Variants in B3GAT2 observed in about 807,000 individuals in gnomAD.
B3GAT2 encodes the protein beta-1,3-glucuronyltransferase 2.
Under a neutral mutation model 27.8 loss-of-function variants are expected in B3GAT2, and 26 were observed. The observed-to-expected ratio is 0.93, with a 90% confidence interval of 0.68 to 1.30. The LOEUF (loss-of-function observed/expected upper bound fraction) is 1.30, where lower values mean the gene tolerates loss of function less well. Ranked by LOEUF, B3GAT2 falls within the 50% of genes most tolerant of loss-of-function variation. The pLI is 0.00. For missense variants in B3GAT2, 458 were observed against 459.0 expected, an observed-to-expected ratio of 1.00 and a Z score of 0.02; for synonymous variants, 218 against 195.1, an observed-to-expected ratio of 1.12 and a Z score of -0.98.
intron 2 of B3GAT2, among the ~76,000 whole-genome samples, chr6:70,875,971 T>G (rs547370615): frequency 6.6e-6 from 1 of 152,186 alleles, no homozygotes; most frequent in African/African-American, 2.4e-5. Context: ...CCAAACATAA[T>G]ATAAAGGGGT....
At chr6:70,893,317 G>A (rs1446476946) in intron 2 of B3GAT2, among the ~76,000 whole-genome samples, 4 of 152,230 alleles carry the variant, frequency 2.6e-5, no homozygotes, top group South Asian at 4.1e-4. Flanking sequence ...CTGGCAGCCC[G>A]ACAGAGCTGT....
At chr6:70,947,501 G>C (rs991711755) in intron 1 of B3GAT2, among the ~76,000 whole-genome samples, 2 of 152,042 alleles carry the variant, frequency 1.3e-5, no homozygotes, top group African/African-American at 4.8e-5. Context: ...TAAATTCCTC[G>C]ACACATACAC....
Position 70,957,054 on chromosome 6 carries a change from C to A in B3GAT2, c.-625G>T. 15 of 986,276 alleles carry A rather than the reference C, an allele frequency of 1.5e-5. No individual in the cohort carries two copies. Among genetic ancestry groups the A allele is most frequent in the Non-Finnish European group, 1.8e-5 (15 of 830,662 alleles). The allele number at this position is 986,276 out of a possible 1,614,324, so 61.1% of individuals were successfully genotyped here. On this transcript the variant is annotated 5_prime_UTR_variant, in exon 1 of 4. Transcript: ENST00000230053. ...TGTCTTCTCAGAACCTCTCCGGATC[C>A]AGCAGCAAGATCCCAAAGCAAGGAA...
chr6:70,860,439 A>G lies in B3GAT2; in HGVS notation c.*1224T>C. The G allele has an allele frequency of 7.6e-7, 1 of 1,314,646 alleles. No homozygotes were observed. Among genetic ancestry groups the G allele is most frequent in the South Asian group, 1.6e-5 (1 of 64,410 alleles). 81.4% of individuals were successfully genotyped at this position (1,314,646 alleles called of 1,614,324 possible). On this transcript the variant is annotated 3_prime_UTR_variant, in exon 4 of 4. Coordinates refer to ENST00000230053, the MANE Select transcript of B3GAT2 (RefSeq NM_080742.3). ...ATGCATATTTTTTTTCTTTTTACCC[A>G]TTTGTTCATATTAAGAATGATCTGA... is the stretch of plus-strand genomic sequence containing the variant.
intron 1 of B3GAT2, among the ~76,000 whole-genome samples, chr6:70,929,021 T>A (rs1472127495): frequency 6.6e-6 from 1 of 152,188 alleles, no homozygotes; most frequent in Admixed American, 6.5e-5. Context: ...CATGGAATAC[T>A]ATGCAGCCAT....
At chr6:70,880,980 T>A (rs1393592840) in intron 2 of B3GAT2, among the ~76,000 whole-genome samples, 1 of 152,240 alleles carries the variant, frequency 6.6e-6, no homozygotes, top group Admixed American at 6.5e-5. Context: ...TGTTTCTTTC[T>A]TGATATTTCA....
chr6:70,891,867 A>C (rs1772294412), intron 2 of B3GAT2, among the ~76,000 whole-genome samples: 1 of 152,078 alleles, frequency 6.6e-6, no homozygotes. Flanking sequence ...CAGAGAATAA[A>C]TGAATTGTAT....
chr6:70,862,237 A>C (rs1771767398), intron 2 of B3GAT2, among the ~76,000 whole-genome samples: 1 of 152,186 alleles, frequency 6.6e-6, no homozygotes, highest in Non-Finnish European at 1.5e-5. Context: ...TCTGTTGATA[A>C]TAAAGGGTGA....
intron 1 of B3GAT2, among the ~76,000 whole-genome samples, chr6:70,937,314 AC>A: frequency 6.6e-6 from 1 of 150,970 alleles, no homozygotes; most frequent in South Asian, 2.1e-4. Context: ...GCCGAATTCT[AC>A]CAGAGGTACA....
chr6:70,862,795 C>T (rs1303312278), intron 2 of B3GAT2, among the ~76,000 whole-genome samples: 3 of 152,040 alleles, frequency 2.0e-5, no homozygotes, highest in African/African-American at 7.2e-5. Flanking sequence ...CATAATGAGA[C>T]CCTGTCTCTA....
chr6:70,941,470 C>T (rs1432681687), intron 1 of B3GAT2, among the ~76,000 whole-genome samples: 1 of 152,138 alleles, frequency 6.6e-6, no homozygotes, highest in East Asian at 1.9e-4. Context: ...CCTCCAGCCT[C>T]TCACACGTGT....
Position 70,955,708 on chromosome 6 carries a change from C to T in B3GAT2, c.591+131G>A, listed in dbSNP as rs1341872196. The stretch of plus-strand genomic sequence containing the variant: ...AGCAAGGAGCGGCTCCACTCGGTGC[C>T]CCGAATGCGCGCACGGAGAACTGAG... On this transcript the variant is annotated intron_variant, in intron 1 of 3. Coordinates refer to ENST00000230053, the MANE Select transcript of B3GAT2 (RefSeq NM_080742.3). The T allele has an allele frequency of 2.7e-6, 3 of 1,130,190 alleles. No individual in the cohort carries two copies. The East Asian group carries it at 9.4e-5, about 35-fold the overall frequency. The allele number at this position is 1,130,190 out of a possible 1,614,324, so 70.0% of individuals were successfully genotyped here.
intron 1 of B3GAT2, among the ~76,000 whole-genome samples, chr6:70,912,076 A>G (rs1200183194): frequency 6.6e-6 from 1 of 151,842 alleles, no homozygotes; most frequent in African/African-American, 2.4e-5. Flanking sequence ...TAGGTATAAA[A>G]TCATATTGTC....
intron 2 of B3GAT2, among the ~76,000 whole-genome samples, chr6:70,891,956 G>A (rs760759887): frequency 6.6e-6 from 1 of 151,816 alleles, no homozygotes; most frequent in East Asian, 1.9e-4. Flanking sequence ...CTATCCTATC[G>A]ACCAAATTAC....
In B3GAT2 at chr6:70,860,699, C is replaced by G. The variant is rs1771681749; in HGVS notation, c.*964G>C. The G allele has an allele frequency of 7.5e-6, 3 of 402,086 alleles. No individual in the cohort carries two copies. The highest frequency in any genetic ancestry group is 4.3e-5 in the Admixed American group (1 of 23,394). The allele number at this position is 402,086 out of a possible 1,614,324, so 24.9% of individuals were successfully genotyped here. A position where few individuals can be genotyped will look rare whatever the true frequency, so the allele number is the denominator to read the frequency against. On this transcript the variant is annotated 3_prime_UTR_variant, in exon 4 of 4. Coordinates refer to ENST00000230053, the MANE Select transcript of B3GAT2 (RefSeq NM_080742.3). ...AATACCTCTAATAGTATAAACCCCA[C>G]CCCAAAATTAGCCAGTAATCCTGTA...
chr6:70,872,504 C>CT (rs70990337), intron 2 of B3GAT2, among the ~76,000 whole-genome samples: 1,533 of 120,076 alleles, frequency 0.013, 15 homozygotes, highest in African/African-American at 0.018. Context: ...CATTCCCGTT[C>CT]TTTTTTTTTT....
chr6:70,874,612 G>A (rs1160971989), intron 2 of B3GAT2, among the ~76,000 whole-genome samples: 1 of 152,142 alleles, frequency 6.6e-6, no homozygotes, highest in Admixed American at 6.6e-5. Flanking sequence ...TGCCCCTACG[G>A]AATGAAGTTT....
At chr6:70,866,619 A>T (rs150260793) in intron 2 of B3GAT2, among the ~76,000 whole-genome samples, 14 of 152,320 alleles carry the variant, frequency 9.2e-5, no homozygotes, top group African/African-American at 3.4e-4. Flanking sequence ...ACTCGAACAC[A>T]TAATGATAGA....
rs375873781 is a variant in B3GAT2 at position 70,894,198 on chromosome 6, C to T, written c.666G>A (p.Val222=). ...VGGRRYERPL[V]ENGKVVGWYT... Reference sequence around the variant, plus strand: ...ACCAGCCAACAACTTTGCCGTTTTCCACCAGCGGACGTTCGTAGCGCCGCC... The same window carrying T: ...ACCAGCCAACAACTTTGCCGTTTTCTACCAGCGGACGTTCGTAGCGCCGCC... The change falls in exon 2 of 4, where the codon GTG becomes GTA. Residue 222 remains valine (V), a synonymous_variant. Transcript: ENST00000230053. 3.1e-6 allele frequency: 5 copies of T among 1,613,832 alleles called. No homozygotes were observed. The highest frequency in any genetic ancestry group is 4.2e-6 in the Non-Finnish European group (5 of 1,179,776).
Sources: allele counts gnomAD v4.1 joint callset (sites outside exome capture counted in the v4.1 genomes callset), GRCh38; gene constraint gnomAD v4.1.1; transcripts MANE v1.5; gene names NCBI Gene and HGNC (gene_info 2026-07-23, HGNC 2026-07-21).